SRFBP1: variants seen among roughly 807,000 people sequenced by gnomAD.
SRFBP1 encodes the protein serum response factor binding protein 1, also known as serum response factor-binding protein 1.
SRFBP1 carries 47 observed loss-of-function variants against 45.5 expected under a neutral mutation model. The ratio of observed to expected loss-of-function variants is 1.03; its 90% CI spans 0.82 to 1.32. The LOEUF (loss-of-function observed/expected upper bound fraction) is 1.32, where lower values mean the gene tolerates loss of function less well. SRFBP1 is among the 40% of genes most tolerant of loss of function. SRFBP1 has a pLI of 0.00. For missense variants in SRFBP1, 621 were observed against 484.6 expected (o/e 1.28, Z -2.64); for synonymous variants, 203 against 166.3 (o/e 1.22, Z -1.70).
intron 4 of SRFBP1, among the ~76,000 whole-genome samples, chr5:122,018,658 C>G (rs930972678): frequency 6.6e-6 from 1 of 152,188 alleles, no homozygotes; most frequent in African/African-American, 2.4e-5. Context: ...TAGATGTTGT[C>G]AGCCTTCATA....
rs577212804 is a variant in SRFBP1, at chr5:122,023,662, G to T, written c.1105+1255G>T. ...TCTTTGTTTCGTGGCCACATCTGAG[G>T]TGGGTATTTAACATGATCTCTTTGG... On this transcript the variant is annotated intron_variant, in intron 7 of 7. Transcript: ENST00000339397. Among the ~76,000 whole-genome samples, 57 of 152,244 alleles carry T rather than the reference G, an allele frequency of 3.7e-4. 2 individuals carry two copies. The South Asian group carries it at 0.01, about 28-fold the overall frequency.
intron 2 of SRFBP1, among the ~76,000 whole-genome samples, chr5:122,062,113 A>G (rs902985034): frequency 8.5e-5 from 13 of 152,076 alleles, no homozygotes; most frequent in Non-Finnish European, 1.8e-4. Flanking sequence ...TATATATGCT[A>G]AAAAGTATTG....
chr5:121,965,414 C>G (rs904465370), intron 1 of SRFBP1, among the ~76,000 whole-genome samples: 1 of 152,178 alleles, frequency 6.6e-6, no homozygotes, highest in African/African-American at 2.4e-5. Flanking sequence ...ATATGGCTAC[C>G]CAGTTTTCCC....
chr5:122,040,398 C>G (rs1561405615), intron 2 of SRFBP1, among the ~76,000 whole-genome samples: 1 of 152,066 alleles, frequency 6.6e-6, no homozygotes, highest in Non-Finnish European at 1.5e-5. Context: ...ACATGTGTTT[C>G]TCTTCAGGGG....
intron 2 of SRFBP1, among the ~76,000 whole-genome samples, chr5:122,043,002 C>T (rs1782088459): frequency 6.6e-6 from 1 of 152,000 alleles, no homozygotes; most frequent in Non-Finnish European, 1.5e-5. Flanking sequence ...AGTCAATATT[C>T]ATGTAGATTT....
intron 3 of SRFBP1, among the ~76,000 whole-genome samples, chr5:121,984,039 T>A (rs1752469870): frequency 6.6e-6 from 1 of 151,770 alleles, no homozygotes. Flanking sequence ...TATACATTGC[T>A]CATTCTTACC....
At chr5:121,989,037 A>C (rs965506644) in intron 3 of SRFBP1, among the ~76,000 whole-genome samples, 1 of 148,948 alleles carries the variant, frequency 6.7e-6, no homozygotes, top group African/African-American at 2.5e-5. Context: ...CATTTATCTG[A>C]AAAAAAAAGA....
chr5:121,970,174 A>G (rs923148821), intron 1 of SRFBP1, among the ~76,000 whole-genome samples: 5 of 152,142 alleles, frequency 3.3e-5, no homozygotes, highest in African/African-American at 9.6e-5. Context: ...GCAAAAATCT[A>G]AGTGCTTGGG....
At chr5:122,007,241 GAC>G (rs2112691437) in intron 4 of SRFBP1, among the ~76,000 whole-genome samples, 1 of 152,094 alleles carries the variant, frequency 6.6e-6, no homozygotes, top group South Asian at 2.1e-4. Context: ...CTGGGCTGGA[GAC>G]ACAGTCTACA....
chr5:121,989,067 GTTT>G, intron 3 of SRFBP1, among the ~76,000 whole-genome samples: 1 of 151,914 alleles, frequency 6.6e-6, no homozygotes, highest in African/African-American at 2.4e-5. Context: ...TTGTTTGTTT[GTTT>G]GTTTGTTTGT....
intron 1 of SRFBP1, among the ~76,000 whole-genome samples, chr5:121,968,806 T>C (rs1752129803): frequency 6.6e-6 from 1 of 152,202 alleles, no homozygotes; most frequent in African/African-American, 2.4e-5. Flanking sequence ...GTTGTCGTAG[T>C]TTTTTTGTAT....
At chr5:121,981,627 CAG>C (rs1752409284) in intron 3 of SRFBP1, among the ~76,000 whole-genome samples, 1 of 148,836 alleles carries the variant, frequency 6.7e-6, no homozygotes, top group Non-Finnish European at 1.5e-5. Context: ...TTGCCTACAT[CAG>C]AGTTTTTAAA....
intron 4 of SRFBP1, among the ~76,000 whole-genome samples, chr5:121,997,993 A>C (rs1406048284): frequency 6.6e-6 from 1 of 151,708 alleles, no homozygotes; most frequent in African/African-American, 2.4e-5. Context: ...TTAGAATGGC[A>C]ATCATTAAAA....
At chr5:122,037,714 T>C (rs1753715324) in intron 2 of SRFBP1, among the ~76,000 whole-genome samples, 1 of 152,004 alleles carries the variant, frequency 6.6e-6, no homozygotes, top group Non-Finnish European at 1.5e-5. Context: ...CTCACCACGT[T>C]GCCACGTCGC....
At chr5:121,974,782 A>G (rs1412547069) in intron 2 of SRFBP1, among the ~76,000 whole-genome samples, 1 of 151,872 alleles carries the variant, frequency 6.6e-6, no homozygotes, top group Non-Finnish European at 1.5e-5. Flanking sequence ...CAGTATCACT[A>G]GTGTTAGTGA....
chr5:122,023,871 C>G (rs1388408452), intron 7 of SRFBP1, among the ~76,000 whole-genome samples: 2 of 152,184 alleles, frequency 1.3e-5, no homozygotes, highest in African/African-American at 4.8e-5. Context: ...AAAATTCTTT[C>G]TTTGAGCTAG....
Position 122,019,514 on chromosome 5 carries a change from C to T in SRFBP1, c.352+173C>T, listed in dbSNP as rs966072892. Among the ~76,000 whole-genome samples the T allele has an allele frequency of 2.0e-5, 3 of 151,624 alleles. No homozygotes were observed. In the South Asian group the frequency reaches 6.2e-4, roughly 31 times the overall value. On this transcript the variant is annotated intron_variant, in intron 5 of 7. Coordinates refer to ENST00000339397, the MANE Select transcript of SRFBP1 (RefSeq NM_152546.3). ...AGAAAGTGTGATCTCTGAAGAAAAA[C>T]CAAATCTGTATTGTTTAGTAAATTC...
At chr5:122,069,615 G>C (rs901326459) in intron 2 of SRFBP1, among the ~76,000 whole-genome samples, 7 of 152,102 alleles carry the variant, frequency 4.6e-5, no homozygotes, top group African/African-American at 1.4e-4. Flanking sequence ...ACAGACCAGA[G>C]GGGGCTGAAC....
Position 122,048,801 on chromosome 5 carries a change from C to G in SRFBP1, n.311+26394C>G, listed in dbSNP as rs187548135. 1.0e-3 allele frequency among the ~76,000 whole-genome samples: 156 copies of G among 152,196 alleles called. 2 individuals are homozygous for G. Among genetic ancestry groups the G allele is most frequent in the African/African-American group, 3.7e-3 (154 of 41,548 alleles). ...GGGTATATGTGTCCAGGAATTTATC[C>G]ATTTCTTCTAGATTTTCTAGTTTAT... On this transcript the variant is annotated intron_variant and non_coding_transcript_variant, in intron 2 of 2. Coordinates refer to the SRFBP1 transcript ENST00000504881.
Sources: allele counts gnomAD v4.1 joint callset (sites outside exome capture counted in the v4.1 genomes callset), GRCh38; gene constraint gnomAD v4.1.1; transcripts MANE v1.5; gene names NCBI Gene and HGNC (gene_info 2026-07-23, HGNC 2026-07-21).